Variants in TMEM117 observed in about 807,000 individuals in gnomAD.
The protein encoded by TMEM117 is transmembrane protein 117.
Under a neutral mutation model 52.4 loss-of-function variants are expected in TMEM117, and 27 were observed. The observed-to-expected ratio is 0.51, with a 90% CI of 0.38 to 0.71. The LOEUF (loss-of-function observed/expected upper bound fraction) is 0.71. Among genes scored for constraint, TMEM117 ranks in the 30% least tolerant of loss-of-function variants. The pLI is 0.00. For synonymous variants in TMEM117, 215 were observed against 206.3 expected, an observed-to-expected ratio of 1.04 and a Z score of -0.36; for missense variants, 556 against 630.5, an observed-to-expected ratio of 0.88 and a Z score of 1.26.
chr12:44,337,183 A>G (rs1329112535), intron 6 of TMEM117, among the ~76,000 whole-genome samples: 6 of 152,004 alleles, frequency 3.9e-5, no homozygotes, highest in Admixed American at 2.0e-4. Flanking sequence ...TTCAAGATCA[A>G]TGCACTCACA....
chr12:44,245,583 G>GTT (rs76314370), intron 5 of TMEM117, among the ~76,000 whole-genome samples: 13 of 142,688 alleles, frequency 9.1e-5, no homozygotes, highest in African/African-American at 2.8e-4. Context: ...CAGTTCTAAC[G>GTT]TTTTTTTTTT....
At chr12:44,143,300 A>G (rs908821261) in intron 3 of TMEM117, among the ~76,000 whole-genome samples, 7 of 152,244 alleles carry the variant, frequency 4.6e-5, no homozygotes, top group African/African-American at 1.2e-4. Flanking sequence ...TGAAGTGCAC[A>G]TGGTAATTGG....
intron 3 of TMEM117, among the ~76,000 whole-genome samples, chr12:43,994,722 A>G (rs1945999302): frequency 6.6e-6 from 1 of 152,150 alleles, no homozygotes; most frequent in South Asian, 2.1e-4. Context: ...CATAGTGAAT[A>G]TATATGCTCA....
At chr12:44,142,296 C>T (rs2138197427) in intron 3 of TMEM117, among the ~76,000 whole-genome samples, 1 of 152,200 alleles carries the variant, frequency 6.6e-6, no homozygotes, top group Middle Eastern at 3.4e-3. Flanking sequence ...ATTGGAGATC[C>T]AGAATTTTGG....
chr12:44,320,193 T>C (rs1951112702), intron 6 of TMEM117, among the ~76,000 whole-genome samples: 1 of 152,168 alleles, frequency 6.6e-6, no homozygotes, highest in Admixed American at 6.5e-5. Context: ...CTTTTAAAAA[T>C]CCAAGATTTC....
intron 4 of TMEM117, among the ~76,000 whole-genome samples, chr12:44,205,934 G>C (rs12820553): frequency 0.054 from 8,228 of 152,188 alleles, 305 homozygotes; most frequent in Non-Finnish European, 0.085. Context: ...CAGCTCTGTC[G>C]TGGAGACCCT....
intron 6 of TMEM117, among the ~76,000 whole-genome samples, chr12:44,333,370 T>TATAGAA (rs1433368579): frequency 6.6e-6 from 1 of 152,010 alleles, no homozygotes; most frequent in Non-Finnish European, 1.5e-5. Context: ...ACTAATGAAT[T>TATAGAA]ATAGAAATAA....
At chr12:44,342,964 T>C (rs143279183) in intron 6 of TMEM117, among the ~76,000 whole-genome samples, 1 of 152,100 alleles carries the variant, frequency 6.6e-6, no homozygotes, top group Non-Finnish European at 1.5e-5. Flanking sequence ...CCTCACCTCC[T>C]TCCCCTTCTT....
chr12:44,327,734 A>C (rs1355437145), intron 6 of TMEM117, among the ~76,000 whole-genome samples: 1 of 152,012 alleles, frequency 6.6e-6, no homozygotes, highest in African/African-American at 2.4e-5. Context: ...TTTTTCTAGC[A>C]ATCAGTTACT....
chr12:44,046,544 TG>T (rs1263091017), intron 3 of TMEM117, among the ~76,000 whole-genome samples: 1 of 152,118 alleles, frequency 6.6e-6, no homozygotes, highest in Non-Finnish European at 1.5e-5. Context: ...ACTTCAGGAA[TG>T]GAGGTTTGGG....
chr12:43,934,354 A>AACTAAATTAAACT (rs1944917937), intron 2 of TMEM117, among the ~76,000 whole-genome samples: 1 of 152,168 alleles, frequency 6.6e-6, no homozygotes, highest in Non-Finnish European at 1.5e-5. Context: ...AAACTTGAGG[A>AACTAAATTAAACT]TAGTTTAATG....
intron 3 of TMEM117, among the ~76,000 whole-genome samples, chr12:44,024,925 G>C (rs1323806120): frequency 1.3e-5 from 2 of 152,010 alleles, no homozygotes; most frequent in Non-Finnish European, 2.9e-5. Flanking sequence ...GAGAGAGAGA[G>C]AGCGCCTTCA....
At chr12:44,376,982 AT>A (rs1246994277) in intron 7 of TMEM117, among the ~76,000 whole-genome samples, 1 of 152,172 alleles carries the variant, frequency 6.6e-6, no homozygotes, top group Non-Finnish European at 1.5e-5. Flanking sequence ...GGGGAAAGTG[AT>A]TAAGAAGGCT....
chr12:44,277,204 C>T (rs1397462126), intron 5 of TMEM117, among the ~76,000 whole-genome samples: 1 of 151,956 alleles, frequency 6.6e-6, no homozygotes. Context: ...CATGTTTTTG[C>T]TTAAGCCGAG....
chr12:44,139,074 G>A (rs144340838), intron 3 of TMEM117, among the ~76,000 whole-genome samples: 1 of 152,254 alleles, frequency 6.6e-6, no homozygotes, highest in East Asian at 1.9e-4. Flanking sequence ...TTACTTGTGT[G>A]TGAAGCCCCC....
chr12:44,317,759 T>C (rs990304047), intron 6 of TMEM117, among the ~76,000 whole-genome samples: 2 of 152,202 alleles, frequency 1.3e-5, no homozygotes, highest in African/African-American at 2.4e-5. Context: ...AAGTCAGCTC[T>C]GGCCAACGTG....
At chr12:44,225,353 C>T (rs1024305475) in intron 5 of TMEM117, among the ~76,000 whole-genome samples, 1 of 152,130 alleles carries the variant, frequency 6.6e-6, no homozygotes, top group Non-Finnish European at 1.5e-5. Context: ...TTAAAATGTA[C>T]TTGGCATACA....
rs1329612315 is a variant in TMEM117, at chr12:43,885,444, A to G, written c.277+40516A>G. ...CTTTTTTTTTTTGATATCCAGATAC[A>G]GTTTATTTTCATGAGAAAGAACTTT... is the stretch of plus-strand genomic sequence containing the variant. On this transcript the variant is annotated intron_variant, in intron 2 of 7. Coordinates refer to ENST00000266534, the MANE Select transcript of TMEM117 (RefSeq NM_032256.3). Among the ~76,000 whole-genome samples the G allele has an allele frequency of 5.4e-5, 7 of 129,018 alleles. No homozygotes were observed. In the Admixed American group the frequency reaches 6.2e-4, roughly 11 times the overall value. The allele number at this position is 129,018 out of a possible 152,430, so 84.6% of individuals were successfully genotyped here. A position where few individuals can be genotyped will look rare whatever the true frequency, so the allele number is the denominator to read the frequency against.
rs541872810 is a variant in TMEM117, at chr12:44,269,492, AT to A, written c.609-30078del. 3.4e-4 allele frequency among the ~76,000 whole-genome samples: 51 copies of A among 148,296 alleles called. 1 individual carries two copies. The highest frequency in any genetic ancestry group is 2.2e-4 in the African/African-American group (9 of 40,582). On this transcript the variant is annotated intron_variant, in intron 5 of 7. Transcript: ENST00000266534. ...CAGACTACTTTTTGCAATTATTCTT[AT>A]TTTTTTTTTAGTTTTGTTTTTTCTA...
Sources: allele counts gnomAD v4.1 joint callset (sites outside exome capture counted in the v4.1 genomes callset), GRCh38; gene constraint gnomAD v4.1.1; transcripts MANE v1.5; gene names NCBI Gene and HGNC (gene_info 2026-07-23, HGNC 2026-07-21).